SHROOM4: variants seen among roughly 807,000 people sequenced by gnomAD.
SHROOM4 encodes the protein protein Shroom4.
In SHROOM4, 17 loss-of-function variants were observed where a neutral mutation model predicts 80.3. The observed-to-expected ratio is 0.21, with a 90% confidence interval of 0.14 to 0.32. The LOEUF (loss-of-function observed/expected upper bound fraction) is 0.32, where lower values mean the gene tolerates loss of function less well. SHROOM4 is among the 10% of genes least tolerant of loss of function. The pLI is 1.00. For synonymous variants in SHROOM4, 400 were observed against 437.5 expected (o/e 0.91, Z 1.07); for missense variants, 993 against 1,140.3 (o/e 0.87, Z 1.86).
chrX:50,759,982 G>A (rs182676415), intron 1 of SHROOM4, among the ~76,000 whole-genome samples: 205 of 111,472 alleles, frequency 1.8e-3, no homozygotes, highest in African/African-American at 6.5e-3. Context: ...CCTAGCATAT[G>A]GGTCTATCCT....
At chrX:50,671,904 G>A (rs955146680) in intron 2 of SHROOM4, among the ~76,000 whole-genome samples, 11 of 112,603 alleles carry the variant, frequency 9.8e-5, no homozygotes, top group Non-Finnish European at 9.4e-5. Flanking sequence ...CTAAGCTTAA[G>A]CATTTCTAAC....
chrX:50,736,156 A>C (rs929542030), intron 1 of SHROOM4, among the ~76,000 whole-genome samples: 2 of 110,112 alleles, frequency 1.8e-5, no homozygotes, highest in African/African-American at 6.6e-5. Context: ...ATAAATAAAA[A>C]CCCTCACACA....
intron 1 of SHROOM4, among the ~76,000 whole-genome samples, chrX:50,727,213 G>T (rs1475881672): frequency 1.8e-5 from 2 of 112,800 alleles, no homozygotes; most frequent in African/African-American, 3.2e-5. Flanking sequence ...TTTACCCAAT[G>T]CCCATACCCC....
chrX:50,765,788 A>T (rs1935262384), intron 1 of SHROOM4, among the ~76,000 whole-genome samples: 1 of 111,952 alleles, frequency 8.9e-6, no homozygotes, highest in African/African-American at 3.2e-5. Context: ...TATGCTGATC[A>T]TGGCACTGTT....
chrX:50,623,799 A>G (rs1423056292), intron 5 of SHROOM4, among the ~76,000 whole-genome samples: 1 of 112,479 alleles, frequency 8.9e-6, no homozygotes, highest in Non-Finnish European at 1.9e-5. Flanking sequence ...AAGGACTAGT[A>G]AACAAAATGT....
In SHROOM4 at chrX:50,751,672, T is replaced by C. The variant is rs145444551; in HGVS notation, c.118-55735A>G. ...CTGACCTTAGAACTGTTCCTGATCA[T>C]GCAAAATACATTCTGTCCTGACTTC... On this transcript the variant is annotated intron_variant, in intron 1 of 8. Transcript: ENST00000376020. 5.0e-3 allele frequency among the ~76,000 whole-genome samples: 558 copies of C among 112,205 alleles called. 5 individuals carry two copies. The highest frequency in any genetic ancestry group is 0.015 in the African/African-American group (474 of 30,912).
chrX:50,718,593 A>C (rs1328984928), intron 1 of SHROOM4, among the ~76,000 whole-genome samples: 1 of 111,579 alleles, frequency 9.0e-6, no homozygotes, highest in African/African-American at 3.3e-5. Flanking sequence ...TGTCATGTGA[A>C]TGAGCATGAG....
chrX:50,710,949 T>G (rs1427349186), intron 1 of SHROOM4, among the ~76,000 whole-genome samples: 4 of 111,696 alleles, frequency 3.6e-5, no homozygotes, highest in Admixed American at 9.5e-5. Flanking sequence ...TGACTAGAGC[T>G]CACTCTAGGA....
chrX:50,598,805 C>A (rs1391889832), intron 7 of SHROOM4, among the ~76,000 whole-genome samples: 1 of 111,415 alleles, frequency 9.0e-6, no homozygotes, highest in Non-Finnish European at 1.9e-5. Flanking sequence ...TTACCAGATG[C>A]AACTTAATAA....
At chrX:50,788,336 A>G (rs1935786961) in intron 1 of SHROOM4, among the ~76,000 whole-genome samples, 1 of 112,178 alleles carries the variant, frequency 8.9e-6, no homozygotes, top group Non-Finnish European at 1.9e-5. Context: ...CACAAAAGAA[A>G]AAGAGAAATC....
intron 2 of SHROOM4, among the ~76,000 whole-genome samples, chrX:50,662,253 C>T (rs1233726282): frequency 8.9e-6 from 1 of 111,784 alleles, no homozygotes; most frequent in African/African-American, 3.3e-5. Context: ...GTAATCCCAG[C>T]ACTTTGGGAG....
intron 1 of SHROOM4, among the ~76,000 whole-genome samples, chrX:50,756,672 A>C (rs781853071): frequency 8.9e-6 from 1 of 112,396 alleles, no homozygotes; most frequent in Non-Finnish European, 1.9e-5. Flanking sequence ...TTTGTCTAAT[A>C]GATAGCCATT....
chrX:50,681,218 G>A (rs977700859), intron 2 of SHROOM4, among the ~76,000 whole-genome samples: 1 of 111,078 alleles, frequency 9.0e-6, no homozygotes, highest in Admixed American at 9.7e-5. Context: ...CAGCAGCCAC[G>A]GTGATCATCT....
chrX:50,633,786 C>T lies in SHROOM4; in HGVS notation c.2287G>A (p.Glu763Lys). Reference protein sequence around the residue: ...ELKASTAQAGEDAILLPFADR... With the variant: ...ELKASTAQAGKDAILLPFADR... The stretch of plus-strand genomic sequence containing the variant: ...GCAAAAGGCAAGAGGATGGCATCCT[C>T]CCCAGCTTGAGCAGTAGAAGCCTTC... The change falls in exon 4 of 9, where the codon GAG becomes AAG. Residue 763 changes from glutamate to lysine, a missense_variant. Transcript: ENST00000376020. The T allele has an allele frequency of 8.2e-7, 1 of 1,212,339 alleles. No individual in the cohort carries two copies. Among genetic ancestry groups the T allele is most frequent in the East Asian group, 3.0e-5 (1 of 33,864 alleles).
chrX:50,635,118 C>G lies in SHROOM4; in HGVS notation c.955G>C (p.Ala319Pro). 2 of 1,211,289 alleles carry G rather than the reference C, an allele frequency of 1.7e-6. No individual in the cohort carries two copies. The highest frequency in any genetic ancestry group is 2.2e-6 in the Non-Finnish European group (2 of 895,229). Residue 319 changes from alanine to proline, a missense_variant, in exon 4 of 9, where the codon GCA becomes CCA. By Grantham distance (27) the Ala-to-Pro change is conservative (BLOSUM62 -1). Transcript: ENST00000376020. ...EKLSLEPVLP[A>P]RNPNRFCCLS... ...CAACAGAACCTATTAGGGTTCCTTG[C>G]GGGTAGCACAGGCTCTAAGCTCAGT...
chrX:50,620,080 C>T (rs1930511554), intron 5 of SHROOM4, among the ~76,000 whole-genome samples: 2 of 111,398 alleles, frequency 1.8e-5, no homozygotes, highest in African/African-American at 6.5e-5. Context: ...TTTTACAAAG[C>T]CCTTGATCTT....
intron 2 of SHROOM4, among the ~76,000 whole-genome samples, chrX:50,639,120 AC>A (rs1931488196): frequency 8.9e-6 from 1 of 112,811 alleles, no homozygotes; most frequent in South Asian, 3.7e-4. Context: ...TACAGCCACA[AC>A]TTTTGCACTG....
At chrX:50,708,308 C>G (rs1933728886) in intron 1 of SHROOM4, among the ~76,000 whole-genome samples, 1 of 112,497 alleles carries the variant, frequency 8.9e-6, no homozygotes, top group Non-Finnish European at 1.9e-5. Context: ...CTCCTAAAAC[C>G]TCCAGTGGTG....
chrX:50,603,603 G>A (rs1033052022), intron 6 of SHROOM4, among the ~76,000 whole-genome samples: 10 of 111,648 alleles, frequency 9.0e-5, no homozygotes, highest in African/African-American at 2.9e-4. Flanking sequence ...AATGAAATGG[G>A]GAAAAAAATG....
Sources: gnomAD v4.1 joint callset for allele counts (sites outside exome capture counted in the v4.1 genomes callset) on GRCh38, gnomAD v4.1.1 for gene constraint, MANE v1.5 for transcripts, NCBI Gene and HGNC (gene_info 2026-07-23, HGNC 2026-07-21) for gene names.